Variants in DLGAP2 observed in about 807,000 individuals in gnomAD.
DLGAP2 encodes the protein disks large-associated protein 2.
A neutral mutation model predicts 100.3 loss-of-function variants in DLGAP2; 26 were observed. That is an observed-to-expected ratio of 0.26 (90% CI 0.19 to 0.36). The LOEUF (loss-of-function observed/expected upper bound fraction) is 0.36, where lower values mean the gene tolerates loss of function less well. Among genes scored for constraint, DLGAP2 ranks in the 10% least tolerant of loss-of-function variants. The pLI, the probability that DLGAP2 is intolerant of heterozygous loss-of-function variation, is 1.00. For missense variants in DLGAP2, 1,858 were observed against 1,453.2 expected (o/e 1.28, Z -4.53); for synonymous variants, 886 against 630.1 (o/e 1.41, Z -6.08).
At chr8:813,694 AGCACAAAAGTGGGG>A (rs1796412764) in intron 1 of DLGAP2, among the ~76,000 whole-genome samples, 1 of 152,156 alleles carries the variant, frequency 6.6e-6, no homozygotes, top group Admixed American at 6.5e-5. Flanking sequence ...TTTTGTCTCT[AGCACAAAAGTGGGG>A]GCACTTCCCT....
chr8:1,557,568 C>T (rs376371642), intron 5 of DLGAP2, among the ~76,000 whole-genome samples: 36 of 152,174 alleles, frequency 2.4e-4, no homozygotes, highest in African/African-American at 6.5e-4. Context: ...GCCTTCATGC[C>T]GCCAGCCTGG....
In DLGAP2 at chr8:1,308,895, A is replaced by G. The variant is rs1233659751; in HGVS notation, c.106+50012A>G. On this transcript the variant is annotated intron_variant, in intron 3 of 14. Transcript: ENST00000637795. ...AAGAACACTGGGAAACAATGTATGA[A>G]GAAAATTAAAGAGATCCAAATTATT... Among the ~76,000 whole-genome samples the G allele has an allele frequency of 2.6e-5, 4 of 152,218 alleles. No homozygotes were observed. The South Asian group carries it at 8.3e-4, about 32-fold the overall frequency.
intron 1 of DLGAP2, among the ~76,000 whole-genome samples, chr8:879,541 C>T (rs1356984891): frequency 6.6e-6 from 1 of 152,168 alleles, no homozygotes; most frequent in East Asian, 1.9e-4. Context: ...GACCCACGAT[C>T]TAGTCTTTGA....
chr8:1,371,055 T>G (rs1802224771), intron 3 of DLGAP2, among the ~76,000 whole-genome samples: 1 of 152,248 alleles, frequency 6.6e-6, no homozygotes, highest in Non-Finnish European at 1.5e-5. Flanking sequence ...TTAATTGTCA[T>G]TGGAAGCAGC....
At chr8:1,507,500 A>C (rs1002991346) in intron 4 of DLGAP2, among the ~76,000 whole-genome samples, 3 of 151,620 alleles carry the variant, frequency 2.0e-5, no homozygotes, top group Non-Finnish European at 4.4e-5. Flanking sequence ...ATGAGCCCAC[A>C]CCTCTCCCTC....
At chr8:1,098,970 G>C (rs1052594372) in intron 2 of DLGAP2, among the ~76,000 whole-genome samples, 1 of 152,204 alleles carries the variant, frequency 6.6e-6, no homozygotes, top group African/African-American at 2.4e-5. Context: ...GGTGGGATAG[G>C]TGTGCATTCC....
chr8:1,314,633 G>C (rs1434296995), intron 3 of DLGAP2, among the ~76,000 whole-genome samples: 1 of 152,202 alleles, frequency 6.6e-6, no homozygotes, highest in Non-Finnish European at 1.5e-5. Context: ...GAGAATTGGG[G>C]CAGCCCATGG....
intron 3 of DLGAP2, among the ~76,000 whole-genome samples, chr8:1,336,138 C>A (rs1370364087): frequency 6.6e-6 from 1 of 152,264 alleles, no homozygotes; most frequent in Non-Finnish European, 1.5e-5. Context: ...ACATTGGTGA[C>A]CCCATGGGTC....
chr8:1,431,605 G>A (rs1009049539), intron 3 of DLGAP2, among the ~76,000 whole-genome samples: 4 of 152,224 alleles, frequency 2.6e-5, no homozygotes, highest in African/African-American at 9.6e-5. Context: ...CCTGTATAAA[G>A]AGTCAGCTGA....
chr8:1,020,433 A>G (rs1297752574), intron 2 of DLGAP2, among the ~76,000 whole-genome samples: 1 of 152,224 alleles, frequency 6.6e-6, no homozygotes, highest in Admixed American at 6.5e-5. Context: ...GTAAGGGCTG[A>G]GGCATTATAG....
intron 3 of DLGAP2, among the ~76,000 whole-genome samples, chr8:1,454,461 C>G (rs1161596351): frequency 6.6e-6 from 1 of 151,960 alleles, no homozygotes; most frequent in East Asian, 1.9e-4. Context: ...GCAGGTCTTT[C>G]TGGCACAGCA....
chr8:1,662,880 C>T (rs111939997), intron 8 of DLGAP2, among the ~76,000 whole-genome samples: 7,835 of 109,560 alleles, frequency 0.072, 237 homozygotes, highest in Middle Eastern at 0.15. Context: ...GGGGTGTGTG[C>T]GCGTGTGTAC....
intron 2 of DLGAP2, among the ~76,000 whole-genome samples, chr8:988,481 C>CT (rs1376078748): frequency 6.6e-6 from 1 of 152,188 alleles, no homozygotes; most frequent in Non-Finnish European, 1.5e-5. Context: ...GTGGCGTCTT[C>CT]TTTTTAATTT....
intron 2 of DLGAP2, among the ~76,000 whole-genome samples, chr8:1,144,764 C>A (rs979430244): frequency 1.3e-5 from 2 of 152,242 alleles, no homozygotes. Flanking sequence ...ACAGTCAAAC[C>A]GCAGACGGCC....
In DLGAP2 at chr8:1,294,571, C is replaced by T. The variant is rs190832160; in HGVS notation, c.106+35688C>T. 1.8e-3 allele frequency among the ~76,000 whole-genome samples: 278 copies of T among 152,254 alleles called. 4 individuals carry two copies. Among genetic ancestry groups the T allele is most frequent in the Non-Finnish European group, 6.8e-4 (46 of 68,020 alleles). The stretch of plus-strand genomic sequence containing the variant: ...GGATGGTGTGGCGTCCCACCTGTGT[C>T]GTGGCATCACTGGGTCAATGTCGAA... On this transcript the variant is annotated intron_variant, in intron 3 of 14. Coordinates refer to ENST00000637795, the MANE Select transcript of DLGAP2 (RefSeq NM_001346810.2).
chr8:1,536,104 C>T (rs1041022230), intron 4 of DLGAP2, among the ~76,000 whole-genome samples: 1 of 152,158 alleles, frequency 6.6e-6, no homozygotes, highest in Non-Finnish European at 1.5e-5. Context: ...TGTAGCAGGA[C>T]AAGCACCTAG....
chr8:994,966 A>G (rs1307034982), intron 2 of DLGAP2, among the ~76,000 whole-genome samples: 1 of 152,200 alleles, frequency 6.6e-6, no homozygotes, highest in Non-Finnish European at 1.5e-5. Flanking sequence ...CAGGGCACAT[A>G]TTTAGTACCT....
intron 3 of DLGAP2, among the ~76,000 whole-genome samples, chr8:1,456,912 C>T (rs192237487): frequency 1.3e-5 from 2 of 151,306 alleles, no homozygotes; most frequent in Admixed American, 1.3e-4. Flanking sequence ...CCGGTGCCTG[C>T]CCTCCGGCCC....
At chr8:1,154,272 G>A (rs1796742502) in intron 2 of DLGAP2, among the ~76,000 whole-genome samples, 1 of 152,200 alleles carries the variant, frequency 6.6e-6, no homozygotes, top group Non-Finnish European at 1.5e-5. Flanking sequence ...TGTCAGGTTT[G>A]AAGAGCTGAG....
Sources: gnomAD v4.1 joint callset for allele counts (sites outside exome capture counted in the v4.1 genomes callset) on GRCh38, gnomAD v4.1.1 for gene constraint, MANE v1.5 for transcripts, NCBI Gene and HGNC (gene_info 2026-07-23, HGNC 2026-07-21) for gene names.